VAC14: variants seen among roughly 807,000 people sequenced by gnomAD.
The protein encoded by VAC14 is protein VAC14 homolog.
VAC14 carries 47 observed loss-of-function variants against 85.3 expected under a neutral mutation model. The observed-to-expected ratio is 0.55, with a 90% confidence interval of 0.44 to 0.70. The LOEUF is 0.70. Ranked by LOEUF, VAC14 falls within the 30% of genes least tolerant of loss-of-function variation. The pLI is 0.00. For missense variants in VAC14, 861 were observed against 1,004.3 expected (o/e 0.86, Z 1.93); for synonymous variants, 447 against 430.5 (o/e 1.04, Z -0.47).
At chr16:70,688,834 G>A (rs768524068) in intron 18 of VAC14, 5 of 985,500 alleles carry the variant, frequency 5.1e-6, no homozygotes, top group Non-Finnish European at 6.0e-6. Flanking sequence ...GATCCCCTTG[G>A]GCTCCTGTCC....
intron 12 of VAC14, chr16:70,761,024 G>A (rs1247541189): frequency 5.1e-6 from 1 of 197,522 alleles, no homozygotes; most frequent in African/African-American, 9.0e-5. Flanking sequence ...TGTGTGCATG[G>A]GGGGGCGGGG....
chr16:70,692,555 G>T (rs1430990975), intron 18 of VAC14, among the ~76,000 whole-genome samples: 2 of 152,184 alleles, frequency 1.3e-5, no homozygotes, highest in Non-Finnish European at 2.9e-5. Flanking sequence ...TAGCCTCACT[G>T]AGCTGGACCC....
intron 14 of VAC14, among the ~76,000 whole-genome samples, chr16:70,729,261 G>A (rs1456387609): frequency 2.0e-5 from 3 of 152,326 alleles, no homozygotes; most frequent in Admixed American, 1.3e-4. Flanking sequence ...CGCTGAGTTC[G>A]AGAAGCCCTG....
At chr16:70,740,549 G>A (rs545006874) in intron 13 of VAC14, among the ~76,000 whole-genome samples, 3 of 152,198 alleles carry the variant, frequency 2.0e-5, no homozygotes, top group Non-Finnish European at 4.4e-5. Context: ...CTCAGGGTAC[G>A]GCGGGCCCAC....
At position 70,762,572 on chromosome 16, in the gene VAC14, G is replaced by A; in HGVS notation, c.1339C>T (p.Leu447=). The A allele has an allele frequency of 6.2e-7, 1 of 1,614,200 alleles. No homozygotes were observed. The highest frequency in any genetic ancestry group is 1.1e-5 in the South Asian group (1 of 91,070). ...FRHTDSLFPI[L]LQTLSDESDE... Reference sequence around the variant, plus strand: ...GATTCATCCGATAACGTCTGCAGTAGGATGGGAAAGAGGCTGTCCGTGTGC... The same window carrying A: ...GATTCATCCGATAACGTCTGCAGTAAGATGGGAAAGAGGCTGTCCGTGTGC... The change falls in exon 12 of 19, where the codon CTA becomes TTA. Residue 447 remains leucine, a synonymous_variant. Transcript: ENST00000261776. The surrounding 1 kb of genome is among the most constrained non-coding windows in gnomAD (Gnocchi z 4.1).
In VAC14 at chr16:70,689,085, G is replaced by A. The variant is rs73575039; in HGVS notation, c.2187-995C>T. The A allele has an allele frequency of 0.015, 14,452 of 985,414 alleles. 1,426 individuals carry two copies. The African/African-American group carries it at 0.22, about 15-fold the overall frequency. The allele number at this position is 985,414 out of a possible 1,614,324, so 61.0% of individuals were successfully genotyped here. A position where few individuals can be genotyped will look rare whatever the true frequency, so the allele number is the denominator to read the frequency against. On this transcript the variant is annotated intron_variant, in intron 18 of 18. Coordinates refer to ENST00000261776, the MANE Select transcript of VAC14 (RefSeq NM_018052.5). Reference sequence around the variant, plus strand: ...GGCGGGGCCGGGAAGGGGGGTGCAGGCACTGGCAGAGCACAGGATCTAGAC... The same window carrying A: ...GGCGGGGCCGGGAAGGGGGGTGCAGACACTGGCAGAGCACAGGATCTAGAC...
At chr16:70,778,388 C>T (rs1306747995) in intron 9 of VAC14, 1 of 151,590 alleles carries the variant, frequency 6.6e-6, no homozygotes, top group Non-Finnish European at 1.5e-5. Flanking sequence ...GTGGCAGGGG[C>T]TGTTGGGTTC....
At chr16:70,780,648 C>A (rs78920516) in intron 9 of VAC14, 142 bp downstream of exon 9, 211 of 1,086,256 alleles carry the variant, frequency 1.9e-4, no homozygotes, top group Non-Finnish European at 2.6e-4. Flanking sequence ...GCTGCCACTG[C>A]GCTGGGTTGC....
At chr16:70,755,606 T>A (rs1192554852) in intron 12 of VAC14, among the ~76,000 whole-genome samples, 3 of 152,228 alleles carry the variant, frequency 2.0e-5, no homozygotes. Flanking sequence ...AAGACACAGA[T>A]GCAATGCACT....
At chr16:70,768,977 TTTTTTAA>T (rs1479119069) in intron 10 of VAC14, 1 of 286,052 alleles carries the variant, frequency 3.5e-6, no homozygotes, top group Non-Finnish European at 6.9e-6. Context: ...TTTTTTTTTT[TTTTTTAA>T]TTTTTATTTT....
intron 14 of VAC14, among the ~76,000 whole-genome samples, chr16:70,724,657 C>T (rs955575463): frequency 5.9e-5 from 9 of 152,230 alleles, no homozygotes; most frequent in African/African-American, 1.4e-4. Context: ...TGCACACACT[C>T]CTCTGCGTCC....
intron 14 of VAC14, among the ~76,000 whole-genome samples, chr16:70,722,991 G>A (rs1006874038): frequency 6.6e-6 from 1 of 152,100 alleles, no homozygotes; most frequent in Non-Finnish European, 1.5e-5. Context: ...TGGGGTGGGT[G>A]GATCACCTGA....
At chr16:70,736,307 T>TAGCA (rs908053666) in intron 13 of VAC14, among the ~76,000 whole-genome samples, 5 of 152,208 alleles carry the variant, frequency 3.3e-5, no homozygotes, top group Admixed American at 3.3e-4. Flanking sequence ...TCCTTTTTAT[T>TAGCA]AGCAAGCGTC....
chr16:70,689,996 A>G (rs1017123594), intron 18 of VAC14: 1 of 985,370 alleles, frequency 1.0e-6, no homozygotes, highest in Non-Finnish European at 1.2e-6. Flanking sequence ...GATGCTGGGC[A>G]CCCACAGGTC....
chr16:70,706,660 AC>A (rs2053925791), intron 14 of VAC14, among the ~76,000 whole-genome samples: 2 of 152,156 alleles, frequency 1.3e-5, no homozygotes, highest in South Asian at 4.1e-4. Context: ...GTGCCACGAT[AC>A]TAGGCACATT....
chr16:70,740,833 G>A (rs1207976686), intron 13 of VAC14, among the ~76,000 whole-genome samples: 1 of 152,244 alleles, frequency 6.6e-6, no homozygotes, highest in Non-Finnish European at 1.5e-5. Flanking sequence ...TCACCGCTCT[G>A]CGAGGGAGGG....
At chr16:70,759,128 C>T (rs1405150710) in intron 12 of VAC14, among the ~76,000 whole-genome samples, 1 of 152,222 alleles carries the variant, frequency 6.6e-6, no homozygotes, top group Non-Finnish European at 1.5e-5. Flanking sequence ...GCTCTTGCAT[C>T]ACCAACACCT....
At chr16:70,688,358 G>A (rs1264732355) in intron 18 of VAC14, 2 of 1,131,156 alleles carry the variant, frequency 1.8e-6, no homozygotes, top group East Asian at 9.0e-5. Flanking sequence ...GCCCAGAGCA[G>A]GCATCGCATT....
chr16:70,747,987 G>A (rs1003987154), intron 12 of VAC14: 1 of 151,480 alleles, frequency 6.6e-6, no homozygotes, highest in African/African-American at 2.4e-5. Flanking sequence ...AGGGCCAGAG[G>A]AGCAGGCTGT....
Sources: gnomAD v4.1 joint callset for allele counts (sites outside exome capture counted in the v4.1 genomes callset) on GRCh38, gnomAD v4.1.1 for gene constraint, Gnocchi (gnomAD v3.1) non-coding constraint, MANE v1.5 for transcripts, NCBI Gene and HGNC (gene_info 2026-07-23, HGNC 2026-07-21) for gene names.